The following CARMIL1 variants were observed in gnomAD, a reference collection of about 807,000 sequenced individuals.
CARMIL1 encodes F-actin-uncapping protein LRRC16A.
CARMIL1 carries 90 observed loss-of-function variants against 177.1 expected under a neutral mutation model. The ratio of observed to expected loss-of-function variants is 0.51; its 90% CI spans 0.43 to 0.61. The LOEUF is 0.61. CARMIL1 is among the 20% of genes least tolerant of loss of function. CARMIL1 has a pLI of 0.00. For synonymous variants in CARMIL1, 577 were observed against 606.2 expected (o/e 0.95, Z 0.71); for missense variants, 1,380 against 1,667.0 (o/e 0.83, Z 3.00).
intron 20 of CARMIL1, among the ~76,000 whole-genome samples, chr6:25,511,028 TC>T (rs1805410165): frequency 6.6e-6 from 1 of 152,204 alleles, no homozygotes; most frequent in South Asian, 2.1e-4. Context: ...CCTGAGCCTA[TC>T]TTTTAATTAG....
At chr6:25,497,349 A>G (rs1321850673) in intron 16 of CARMIL1, among the ~76,000 whole-genome samples, 1 of 152,142 alleles carries the variant, frequency 6.6e-6, no homozygotes, top group Non-Finnish European at 1.5e-5. Flanking sequence ...ACAGCTGAGG[A>G]TATTGAGGCT....
chr6:25,568,292 ATAAT>A (rs1811740539), intron 29 of CARMIL1, among the ~76,000 whole-genome samples: 2 of 152,252 alleles, frequency 1.3e-5, no homozygotes, highest in African/African-American at 4.8e-5. Flanking sequence ...AGCAGATTTA[ATAAT>A]TAATAGAAAT....
At position 25,577,824 on chromosome 6, in the gene CARMIL1, T is replaced by G. The variant is rs772377246; in HGVS notation, c.2743-3100T>G. ...TAATGTAGGCATTGATGCTTTTGGA[T>G]TCTCAGAAAATAGAGTTGTGGCCTT... is the stretch of plus-strand genomic sequence containing the variant. On this transcript the variant is annotated intron_variant, in intron 29 of 36. Transcript: ENST00000329474. This position sits in a 1 kb window ranked among gnomAD's most constrained non-coding sequence, Gnocchi z 4.5. 6.6e-6 allele frequency among the ~76,000 whole-genome samples: 1 copy of G among 152,166 alleles called. No homozygotes were observed. The highest frequency in any genetic ancestry group is 1.5e-5 in the Non-Finnish European group (1 of 68,018).
intron 2 of CARMIL1, among the ~76,000 whole-genome samples, chr6:25,407,619 T>C (rs903908451): frequency 1.3e-5 from 2 of 152,146 alleles, no homozygotes; most frequent in East Asian, 3.9e-4. Flanking sequence ...GCTTGGCAGC[T>C]ACCACTGCAA....
intron 12 of CARMIL1, among the ~76,000 whole-genome samples, chr6:25,487,511 A>T (rs149939574): frequency 0.012 from 1,757 of 152,374 alleles, 46 homozygotes; most frequent in African/African-American, 0.04. Context: ...ATTAAGAAAT[A>T]GCCATATTTC....
At chr6:25,375,732 C>A (rs528253085) in intron 2 of CARMIL1, among the ~76,000 whole-genome samples, 3 of 152,282 alleles carry the variant, frequency 2.0e-5, no homozygotes, top group South Asian at 2.1e-4. Flanking sequence ...GGCTTATCTT[C>A]AAGCTCTGAA....
At chr6:25,525,303 T>C (rs1280962284) in intron 23 of CARMIL1, among the ~76,000 whole-genome samples, 3 of 152,198 alleles carry the variant, frequency 2.0e-5, no homozygotes, top group Non-Finnish European at 2.9e-5. Context: ...AGAAACCATG[T>C]AAGTAAGAAG....
At chr6:25,493,640 G>C (rs1803437170) in intron 15 of CARMIL1, among the ~76,000 whole-genome samples, 1 of 152,122 alleles carries the variant, frequency 6.6e-6, no homozygotes, top group African/African-American at 2.4e-5. Flanking sequence ...GCTTCTCTCT[G>C]GAAGTCATAC....
At chr6:25,528,763 A>T in intron 23 of CARMIL1, 32 bp from the exon 24 acceptor site, 1 of 1,457,492 alleles carries the variant, frequency 6.9e-7, no homozygotes. Flanking sequence ...GTTGAAATGT[A>T]TTCTTGAGGG....
rs925364159 is a variant in CARMIL1 at position 25,537,808 on chromosome 6, A to G, written c.2068-47A>G. On this transcript the variant is annotated intron_variant, in intron 24 of 36. Coordinates refer to ENST00000329474, the MANE Select transcript of CARMIL1 (RefSeq NM_017640.6). ...GTTCTGTGTTTCCTTCTATCTGAAT[A>G]TCGGCTGGGCTGACTTGGATGCTTG... 11 of 1,602,370 alleles carry G rather than the reference A, an allele frequency of 6.9e-6. No homozygotes were observed. The Admixed American group carries it at 1.2e-4, about 17-fold the overall frequency.
intron 2 of CARMIL1, among the ~76,000 whole-genome samples, chr6:25,387,463 AGTT>A (rs1354510057): frequency 4.6e-5 from 7 of 152,248 alleles, no homozygotes; most frequent in Admixed American, 1.3e-4. Context: ...CATTAACATA[AGTT>A]GTTCTGAATT....
chr6:25,329,592 G>C (rs547790268), intron 2 of CARMIL1, among the ~76,000 whole-genome samples: 1 of 152,294 alleles, frequency 6.6e-6, no homozygotes, highest in Non-Finnish European at 1.5e-5. Context: ...TGACATTGCT[G>C]GTATTCAGAC....
At chr6:25,485,023 AG>A (rs1474295713) in intron 12 of CARMIL1, among the ~76,000 whole-genome samples, 1 of 152,202 alleles carries the variant, frequency 6.6e-6, no homozygotes, top group African/African-American at 2.4e-5. Context: ...TGACAGAGTG[AG>A]AACCTGTCTC....
At position 25,529,755 on chromosome 6, in the gene CARMIL1, CAAAAAAAAAAAAAAAAAA is replaced by C. The variant is rs70977217; in HGVS notation, c.2067+875_2067+892del. 6.8e-4 allele frequency among the ~76,000 whole-genome samples: 23 copies of C among 33,584 alleles called. No homozygotes were observed. The East Asian group carries it at 0.021, about 31-fold the overall frequency. The allele number at this position is 33,584 out of a possible 152,430, so 22.0% of individuals were successfully genotyped here. A position where few individuals can be genotyped will look rare whatever the true frequency, so the allele number is the denominator to read the frequency against. ...GGGCGACAGAGCGAGACTCCGTCTC[CAAAAAAAAAAAAAAAAAA>C]AAAAAAAAAAAAGAATAGGCTGCTA... On this transcript the variant is annotated intron_variant, in intron 24 of 36. Coordinates refer to ENST00000329474, the MANE Select transcript of CARMIL1 (RefSeq NM_017640.6).
intron 31 of CARMIL1, among the ~76,000 whole-genome samples, chr6:25,591,149 A>G (rs968562262): frequency 1.9e-4 from 29 of 152,192 alleles, no homozygotes; most frequent in Non-Finnish European, 1.5e-4. Flanking sequence ...CATCTAGCCA[A>G]TGAAGACATT....
intron 32 of CARMIL1, among the ~76,000 whole-genome samples, chr6:25,598,846 AG>A (rs1410460757): frequency 6.6e-6 from 1 of 151,994 alleles, no homozygotes; most frequent in Non-Finnish European, 1.5e-5. Flanking sequence ...TTGCGGGGAG[AG>A]GGTATCCCTG....
chr6:25,515,826 T>C lies in CARMIL1; in HGVS notation c.1784T>C (p.Leu595Pro), dbSNP rs1199014502. ...GGAGCGAAGATGCTGGCCAAAGCAC[T>C]GCAGATCAACACTAAGCTCAGGTAG... The part of the protein sequence containing the change: ...DMGAKMLAKA[L>P]QINTKLRTVI... The change falls in exon 21 of 37, where the codon CTG becomes CCG. Residue 595 changes from leucine (L) to proline (P), a missense_variant. Transcript: ENST00000329474. The surrounding 1 kb of genome is among the most constrained non-coding windows in gnomAD (Gnocchi z 5.0). 2 of 1,607,890 alleles carry C rather than the reference T, an allele frequency of 1.2e-6. No individual in the cohort carries two copies. Among genetic ancestry groups the C allele is most frequent in the African/African-American group, 2.7e-5 (2 of 74,738 alleles).
intron 11 of CARMIL1, among the ~76,000 whole-genome samples, chr6:25,478,229 T>C (rs748965167): frequency 1.1e-4 from 16 of 152,156 alleles, no homozygotes; most frequent in African/African-American, 4.8e-5. Flanking sequence ...AAGAGACTTA[T>C]AGATTCTAGG....
At chr6:25,432,652 T>G (rs1260532754) in intron 4 of CARMIL1, among the ~76,000 whole-genome samples, 2 of 152,208 alleles carry the variant, frequency 1.3e-5, no homozygotes, top group Non-Finnish European at 2.9e-5. Flanking sequence ...TATGATTTTT[T>G]CTTGAATTAT....
Sources: allele counts gnomAD v4.1 joint callset (sites outside exome capture counted in the v4.1 genomes callset), GRCh38; gene constraint gnomAD v4.1.1; non-coding constraint Gnocchi (gnomAD v3.1); transcripts MANE v1.5; gene names NCBI Gene and HGNC (gene_info 2026-07-23, HGNC 2026-07-21).